Variants in PIK3R4 observed in about 807,000 individuals in gnomAD.
The protein encoded by PIK3R4 is phosphoinositide-3-kinase regulatory subunit 4.
Under a neutral mutation model 136.5 loss-of-function variants are expected in PIK3R4, and 46 were observed. The ratio of observed to expected loss-of-function variants is 0.34; its 90% CI spans 0.27 to 0.43. The LOEUF (loss-of-function observed/expected upper bound fraction) is 0.43. Ranked by LOEUF, PIK3R4 falls within the 20% of genes least tolerant of loss-of-function variation. The pLI is 1.00. For synonymous variants in PIK3R4, 557 were observed against 566.7 expected (o/e 0.98, Z 0.24); for missense variants, 1,331 against 1,649.5 (o/e 0.81, Z 3.35).
At chr3:130,735,197 G>A (rs1311838534) in intron 3 of PIK3R4, among the ~76,000 whole-genome samples, 3 of 152,094 alleles carry the variant, frequency 2.0e-5, no homozygotes, top group Non-Finnish European at 4.4e-5. Flanking sequence ...AAATTAAAAT[G>A]TATTACATAT....
chr3:130,700,884 A>T lies in PIK3R4; in HGVS notation c.3098+2839T>A, dbSNP rs186550109. 2.6e-5 allele frequency among the ~76,000 whole-genome samples: 4 copies of T among 152,320 alleles called. No individual in the cohort carries two copies. In the East Asian group the frequency reaches 7.7e-4, roughly 29 times the overall value. Reference sequence around the variant, plus strand: ...CCCAAGCCAAGGCCCATGGCTGGCCACAAACGAGAGCAGGTGTTACAGCAA... The same window carrying T: ...CCCAAGCCAAGGCCCATGGCTGGCCTCAAACGAGAGCAGGTGTTACAGCAA... On this transcript the variant is annotated intron_variant, in intron 13 of 19. Coordinates refer to ENST00000356763, the MANE Select transcript of PIK3R4 (RefSeq NM_014602.3).
At chr3:130,680,466 T>C (rs1425470563) in intron 19 of PIK3R4, 147 bp downstream of exon 19, 1 of 500,222 alleles carries the variant, frequency 2.0e-6, no homozygotes, top group Non-Finnish European at 3.6e-6. Flanking sequence ...AAGTTAATTT[T>C]TTTAAATACA....
At chr3:130,681,354 T>C (rs372150359) in intron 17 of PIK3R4, 137 bp downstream of exon 17, 9 of 661,164 alleles carry the variant, frequency 1.4e-5, no homozygotes, top group African/African-American at 1.1e-4. Context: ...AATGGCCACA[T>C]GATACTTGAT....
At chr3:130,686,561 A>G (rs2066492407) in intron 14 of PIK3R4, 139 bp from the exon 15 acceptor site, 1 of 601,266 alleles carries the variant, frequency 1.7e-6, no homozygotes, top group East Asian at 2.8e-5. Flanking sequence ...AAGCCGACAC[A>G]TTAAAAAAAT....
rs969656376 is a variant in PIK3R4 at position 130,705,206 on chromosome 3, T to C, written c.2932+355A>G. On this transcript the variant is annotated intron_variant, in intron 12 of 19. Transcript: ENST00000356763. ...TTCTTAAATAATATTAATGAAAGTA[T>C]GTTAAACCTTCCAGAAATTAAAAGC... 4.6e-5 allele frequency among the ~76,000 whole-genome samples: 7 copies of C among 152,194 alleles called. 1 individual carries two copies. The highest frequency in any genetic ancestry group is 3.2e-3 in the Middle Eastern group (1 of 316).
intron 5 of PIK3R4, 60 bp from the exon 6 acceptor site, chr3:130,728,744 AATTTTTCCCC>A: frequency 8.4e-7 from 1 of 1,196,236 alleles, no homozygotes; most frequent in Non-Finnish European, 1.2e-6. Flanking sequence ...AGAAAAGATC[AATTTTTCCCC>A]ATACAGATAG....
chr3:130,699,106 G>T (rs955537334), intron 13 of PIK3R4, among the ~76,000 whole-genome samples: 6 of 152,158 alleles, frequency 3.9e-5, no homozygotes, highest in African/African-American at 1.4e-4. Context: ...ACACATACAT[G>T]TGGTCTTATA....
At chr3:130,684,532 T>C in intron 15 of PIK3R4, 151 bp from the exon 16 acceptor site, 1 of 646,286 alleles carries the variant, frequency 1.5e-6, no homozygotes, top group Non-Finnish European at 2.6e-6. Flanking sequence ...CATGAAGCTG[T>C]CTCACCATTT....
Position 130,690,535 on chromosome 3 carries a change from G to A in PIK3R4, c.3218C>T (p.Ala1073Val). ...NGAVQLLGIE[A>V]SKLPKSPKIH... ...TTTAGGAGACTTGGGCAGCTTAGAA[G>A]CCTCAATTCCAAGAAGCTGGACAGC... The change falls in exon 14 of 20, where the codon GCT (alanine) becomes GTT (valine). Residue 1073 changes from alanine (A) to valine (V), a missense_variant. Transcript: ENST00000356763. 6.2e-7 allele frequency: 1 copy of A among 1,613,448 alleles called. No individual in the cohort carries two copies. The highest frequency in any genetic ancestry group is 8.5e-7 in the Non-Finnish European group (1 of 1,179,456).
At chr3:130,700,937 G>C (rs906642174) in intron 13 of PIK3R4, among the ~76,000 whole-genome samples, 3 of 152,154 alleles carry the variant, frequency 2.0e-5, no homozygotes, top group Non-Finnish European at 4.4e-5. Context: ...ATTCAGAGGA[G>C]ATCCAGTCTC....
intron 5 of PIK3R4, 56 bp from the exon 6 acceptor site, chr3:130,728,740 G>T: frequency 2.4e-6 from 3 of 1,237,606 alleles, no homozygotes; most frequent in Non-Finnish European, 3.3e-6. Flanking sequence ...GTTAAGAAAA[G>T]ATCAATTTTT....
At chr3:130,725,274 T>A (rs540728788) in intron 6 of PIK3R4, among the ~76,000 whole-genome samples, 149 of 149,432 alleles carry the variant, frequency 1.0e-3, no homozygotes, top group Admixed American at 1.6e-3. Flanking sequence ...AAGAGAAAAA[T>A]CAATGGAACA....
intron 9 of PIK3R4, among the ~76,000 whole-genome samples, chr3:130,715,468 TG>T (rs1559825990): frequency 6.6e-6 from 1 of 152,112 alleles, no homozygotes; most frequent in African/African-American, 2.4e-5. Flanking sequence ...TGGCATGAGA[TG>T]GTGTCTCATT....
At chr3:130,708,975 T>A (rs1037987660) in intron 9 of PIK3R4, among the ~76,000 whole-genome samples, 1 of 152,122 alleles carries the variant, frequency 6.6e-6, no homozygotes, top group Non-Finnish European at 1.5e-5. Flanking sequence ...ATATAAAATA[T>A]ACCATGCAAC....
At position 130,705,775 on chromosome 3, in the gene PIK3R4, C is replaced by A; in HGVS notation, c.2722-4G>T. 1 of 1,563,222 alleles carries A rather than the reference C, an allele frequency of 6.4e-7. No homozygotes were observed. The highest frequency in any genetic ancestry group is 1.1e-5 in the South Asian group (1 of 89,818). ...GGACAGTTGTCACTTCTGGAACCTA[C>A]AAAACAAATAGAATTCTAACTATTT... On this transcript the variant is annotated splice_polypyrimidine_tract_variant and splice_region_variant and intron_variant, in intron 11 of 19. Transcript: ENST00000356763.
At chr3:130,735,159 A>AT (rs1439566402) in intron 3 of PIK3R4, among the ~76,000 whole-genome samples, 1 of 152,132 alleles carries the variant, frequency 6.6e-6, no homozygotes, top group Non-Finnish European at 1.5e-5. Flanking sequence ...GAAGCACCTT[A>AT]TTTTTTAATA....
At chr3:130,679,918 A>T (rs963021181) in intron 19 of PIK3R4, among the ~76,000 whole-genome samples, 2 of 152,124 alleles carry the variant, frequency 1.3e-5, no homozygotes, top group African/African-American at 4.8e-5. Flanking sequence ...TCTACTAAAA[A>T]TACAAAAATT....
At chr3:130,685,158 A>G (rs989301587) in intron 15 of PIK3R4, among the ~76,000 whole-genome samples, 1 of 152,200 alleles carries the variant, frequency 6.6e-6, no homozygotes, top group Non-Finnish European at 1.5e-5. Flanking sequence ...AAAAGGGGAA[A>G]TGTTGATCAA....
intron 13 of PIK3R4, among the ~76,000 whole-genome samples, chr3:130,691,264 C>T (rs2066517005): frequency 6.6e-6 from 1 of 152,116 alleles, no homozygotes; most frequent in Non-Finnish European, 1.5e-5. Context: ...TTTGGAATCA[C>T]GGACTTCTAC....
Sources: allele counts gnomAD v4.1 joint callset (sites outside exome capture counted in the v4.1 genomes callset), GRCh38; gene constraint gnomAD v4.1.1; transcripts MANE v1.5; gene names NCBI Gene and HGNC (gene_info 2026-07-23, HGNC 2026-07-21).